RPUSD4: variants seen among roughly 807,000 people sequenced by gnomAD.
RPUSD4 encodes pseudouridylate synthase RPUSD4, mitochondrial.
A neutral mutation model predicts 35.4 loss-of-function variants in RPUSD4; 37 were observed. The ratio of observed to expected loss-of-function variants is 1.04; its 90% CI spans 0.80 to 1.37. The LOEUF (loss-of-function observed/expected upper bound fraction) is 1.37. RPUSD4 is among the 40% of genes most tolerant of loss of function. The pLI, the probability that RPUSD4 is intolerant of heterozygous loss-of-function variation, is 0.00. For missense variants in RPUSD4, 507 were observed against 484.9 expected (o/e 1.05, Z -0.43); for synonymous variants, 210 against 192.7 (o/e 1.09, Z -0.74).
chr11:126,210,518 CAT>C (rs906702723), intron 2 of RPUSD4, among the ~76,000 whole-genome samples: 140 of 123,116 alleles, frequency 1.1e-3, no homozygotes, highest in African/African-American at 3.9e-3. Context: ...CTCCAACATA[CAT>C]ACACACACAC....
chr11:126,207,849 G>A (rs987809946), intron 3 of RPUSD4, among the ~76,000 whole-genome samples: 3 of 151,028 alleles, frequency 2.0e-5, no homozygotes. Context: ...AAAAAAAAAA[G>A]GCCAGGCACG....
Position 126,210,994 on chromosome 11 carries a change from T to G in RPUSD4, c.251A>C (p.Gln84Pro). The G allele has an allele frequency of 6.2e-7, 1 of 1,614,170 alleles. No homozygotes were observed. The highest frequency in any genetic ancestry group is 1.1e-5 in the South Asian group (1 of 91,074). ...QEIVRFTRQL[Q>P]RVHPNVLAKA... Reference sequence around the variant, plus strand: ...AGCAAGCACGTTGGGGTGGACTCGCTGCAGCTGCCGTGTGAACCGCACTAT... The same window carrying G: ...AGCAAGCACGTTGGGGTGGACTCGCGGCAGCTGCCGTGTGAACCGCACTAT... The change falls in exon 2 of 7, where the codon CAG becomes CCG. Residue 84 changes from glutamine (Q) to proline (P), a missense_variant. Gln to Pro is a moderately conservative substitution (Grantham distance 76). Transcript: ENST00000298317.
rs1222943114 is a variant in RPUSD4 at position 126,205,796 on chromosome 11, G to A, written c.558-15C>T. 6.4e-7 allele frequency: 1 copy of A among 1,568,958 alleles called. No homozygotes were observed. Among genetic ancestry groups the A allele is most frequent in the Admixed American group, 1.8e-5 (1 of 54,508 alleles). ...CAGTGATGGCCCTGGGGGTGACACA[G>A]ATCACTGCTTTAGCCAACCAAGCCA... On this transcript the variant is annotated splice_polypyrimidine_tract_variant and intron_variant, in intron 3 of 6. Transcript: ENST00000298317.
At chr11:126,210,653 T>C (rs1250147799) in intron 2 of RPUSD4, among the ~76,000 whole-genome samples, 3 of 152,138 alleles carry the variant, frequency 2.0e-5, no homozygotes, top group Non-Finnish European at 2.9e-5. Flanking sequence ...GCGATCCCTG[T>C]AGTCTGCACA....
Position 126,209,888 on chromosome 11 carries a change from T to C in RPUSD4, c.356-166A>G, listed in dbSNP as rs151028562. On this transcript the variant is annotated intron_variant, in intron 2 of 6. Coordinates refer to ENST00000298317, the MANE Select transcript of RPUSD4 (RefSeq NM_032795.3). Reference sequence around the variant, plus strand: ...ACAATGGCATGTCTAGGGAGCTTATTAGAAGTGAATCTCAGGCTCTCAACC... The same window carrying C: ...ACAATGGCATGTCTAGGGAGCTTATCAGAAGTGAATCTCAGGCTCTCAACC... Among the ~76,000 whole-genome samples, 13 of 152,342 alleles carry C rather than the reference T, an allele frequency of 8.5e-5. No individual in the cohort carries two copies. In the East Asian group the frequency reaches 1.9e-3, roughly 23 times the overall value.
In RPUSD4 at chr11:126,211,447, C is replaced by T. The variant is rs538896217; in HGVS notation, c.189+3G>A. 1.2e-6 allele frequency: 2 copies of T among 1,610,890 alleles called. No homozygotes were observed. Among genetic ancestry groups the T allele is most frequent in the East Asian group, 4.5e-5 (2 of 44,850 alleles). On this transcript the variant is annotated splice_donor_region_variant and intron_variant, in intron 1 of 6. Coordinates refer to ENST00000298317, the MANE Select transcript of RPUSD4 (RefSeq NM_032795.3). Reference sequence around the variant, plus strand: ...TAGGGAGTTCTGGTCCCTTTGGACTCACCGGCTCCTTCTTTGTGTCTTGTT... The same window carrying T: ...TAGGGAGTTCTGGTCCCTTTGGACTTACCGGCTCCTTCTTTGTGTCTTGTT...
At chr11:126,205,882 T>C (rs2135098770) in intron 3 of RPUSD4, 101 bp from the exon 4 acceptor site, 1 of 784,382 alleles carries the variant, frequency 1.3e-6, no homozygotes, top group Admixed American at 3.1e-5. Flanking sequence ...TGCACTAACA[T>C]GTGATTTCTT....
rs1591487291 is a variant in RPUSD4, at chr11:126,204,340, GA to G, written c.797-13del. Reference sequence around the variant, plus strand: ...CTGATGTTTTATTCCTTAAAAGAGAGAGAGAGAGAAAGAGAGAAAACTCGTG... The same window carrying G: ...CTGATGTTTTATTCCTTAAAAGAGAGGAGAGAGAAAGAGAGAAAACTCGTG... On this transcript the variant is annotated splice_polypyrimidine_tract_variant and intron_variant, in intron 5 of 6. Transcript: ENST00000298317. 6.3e-7 allele frequency: 1 copy of G among 1,596,316 alleles called. No individual in the cohort carries two copies.
intron 2 of RPUSD4, 93 bp downstream of exon 2, chr11:126,210,797 G>T: frequency 7.8e-7 from 1 of 1,277,412 alleles, no homozygotes; most frequent in Non-Finnish European, 1.1e-6. Flanking sequence ...TGAATGCAAG[G>T]CTTTAGAGTG....
At chr11:126,203,709 G>A in intron 6 of RPUSD4, 52 bp from the exon 7 acceptor site, 1 of 1,571,778 alleles carries the variant, frequency 6.4e-7, no homozygotes, top group Non-Finnish European at 8.6e-7. Context: ...GTCCACCCTT[G>A]ACGAACATGC....
intron 3 of RPUSD4, among the ~76,000 whole-genome samples, chr11:126,206,784 T>TCA (rs1949778711): frequency 6.6e-6 from 1 of 152,088 alleles, no homozygotes; most frequent in Admixed American, 6.5e-5. Flanking sequence ...AAAATCCTAC[T>TCA]CACACACACT....
At chr11:126,209,320 T>C in intron 3 of RPUSD4, 1 of 549,746 alleles carries the variant, frequency 1.8e-6, no homozygotes, top group South Asian at 2.4e-5. Context: ...TTTGATAATT[T>C]TGATGTATAC....
intron 1 of RPUSD4, 22 bp from the exon 2 acceptor site, chr11:126,211,077 T>C (rs780745228): frequency 1.3e-6 from 2 of 1,536,038 alleles, no homozygotes; most frequent in African/African-American, 2.7e-5. Flanking sequence ...GAAGGAGCCG[T>C]GGGGAATGCC....
rs1300748830 is a variant in RPUSD4, at chr11:126,203,597, G to C, written c.955C>G (p.Pro319Ala). 2.5e-6 allele frequency: 4 copies of C among 1,614,078 alleles called. No homozygotes were observed. Among genetic ancestry groups the C allele is most frequent in the African/African-American group, 2.7e-5 (2 of 74,926 alleles). ...GLEQSKARYI[P>A]LHLHARQLIL... ...AGCTGCCGGGCGTGCAGGTGAAGGG[G>C]GATGTAGCGGGCCTTCGACTGTTCT... Residue 319 changes from proline (P) to alanine (A), a missense_variant, in exon 7 of 7, where the codon CCC (proline) becomes GCC (alanine). Pro to Ala is a conservative substitution (Grantham distance 27). Transcript: ENST00000298317.
At chr11:126,208,974 T>C (rs746284479) in intron 3 of RPUSD4, 1 of 152,228 alleles carries the variant, frequency 6.6e-6, no homozygotes, top group Non-Finnish European at 1.5e-5. Flanking sequence ...TAAAATCATA[T>C]ATTACTTGTA....
rs1339866373 is a variant in RPUSD4, at chr11:126,210,944, G to A, written c.301C>T (p.His101Tyr). The change falls in exon 2 of 7, where the codon CAC becomes TAC. Residue 101 changes from histidine (H) to tyrosine (Y), a missense_variant. By Grantham distance (83) the His-to-Tyr change is moderately conservative. Coordinates refer to ENST00000298317, the MANE Select transcript of RPUSD4 (RefSeq NM_032795.3). Reference protein sequence around the residue: ...LAKALTRGILHQDKNLVVINK... With the variant: ...LAKALTRGILYQDKNLVVINK... Reference sequence around the variant, plus strand: ...ATGACCACAAGGTTCTTGTCCTGGTGGAGAATTCCTCGGGTCAGTGCCTTA... The same window carrying A: ...ATGACCACAAGGTTCTTGTCCTGGTAGAGAATTCCTCGGGTCAGTGCCTTA... 3 of 1,614,004 alleles carry A rather than the reference G, an allele frequency of 1.9e-6. No homozygotes were observed. The highest frequency in any genetic ancestry group is 2.5e-6 in the Non-Finnish European group (3 of 1,180,040).
chr11:126,209,424 G>T, intron 3 of RPUSD4, 97 bp downstream of exon 3: 2 of 1,011,616 alleles, frequency 2.0e-6, no homozygotes, highest in Non-Finnish European at 3.0e-6. Flanking sequence ...ATAGTGCAGT[G>T]CCTTCTATTA....
Position 126,211,429 on chromosome 11 carries a change from T to C in RPUSD4, c.189+21A>G, listed in dbSNP as rs761964759. On this transcript the variant is annotated intron_variant, in intron 1 of 6. Transcript: ENST00000298317. The stretch of plus-strand genomic sequence containing the variant: ...CAATGAGCGCACTGCCTCTAGGGAG[T>C]TCTGGTCCCTTTGGACTCACCGGCT... 3.7e-6 allele frequency: 6 copies of C among 1,600,554 alleles called. No individual in the cohort carries two copies. In the Admixed American group the frequency reaches 1.0e-4, roughly 28 times the overall value.
chr11:126,204,209 C>T, intron 6 of RPUSD4, 22 bp downstream of exon 6: 1 of 1,534,408 alleles, frequency 6.5e-7, no homozygotes, highest in South Asian at 1.1e-5. Flanking sequence ...ATCTGCTGCA[C>T]ATTGGGTCAA....
Sources: allele counts gnomAD v4.1 joint callset (sites outside exome capture counted in the v4.1 genomes callset), GRCh38; gene constraint gnomAD v4.1.1; transcripts MANE v1.5; gene names NCBI Gene and HGNC (gene_info 2026-07-23, HGNC 2026-07-21).